Variants in HDGFL3 observed in about 807,000 individuals in gnomAD.
HDGFL3 encodes the protein HDGF like 3.
HDGFL3 carries 6 observed loss-of-function variants against 27.6 expected under a neutral mutation model. The observed-to-expected ratio is 0.22, with a 90% CI of 0.12 to 0.43. The LOEUF (loss-of-function observed/expected upper bound fraction) is 0.43. HDGFL3 is among the 20% of genes least tolerant of loss of function. The pLI, the probability that HDGFL3 is intolerant of heterozygous loss-of-function variation, is 1.00. For synonymous variants in HDGFL3, 88 were observed against 88.9 expected, an observed-to-expected ratio of 0.99 and a Z score of 0.05; for missense variants, 207 against 250.1, an observed-to-expected ratio of 0.83 and a Z score of 1.16.
Position 83,207,059 on chromosome 15 carries a change from T to C in HDGFL3, c.84+272A>G, listed in dbSNP as rs549475753. ...GTGGCTTCCCGGTCGGCACCGGCTT[T>C]CCAGGAGGAAGGCAGCGTCGGGCCT... On this transcript the variant is annotated intron_variant, in intron 1 of 5. Coordinates refer to ENST00000299633, the MANE Select transcript of HDGFL3 (RefSeq NM_016073.4). This position sits in a 1 kb window ranked among gnomAD's most constrained non-coding sequence, Gnocchi z 4.8. 7.6e-4 allele frequency among the ~76,000 whole-genome samples: 116 copies of C among 152,272 alleles called. No homozygotes were observed. The highest frequency in any genetic ancestry group is 6.8e-3 in the Middle Eastern group (2 of 292).
In HDGFL3 at chr15:83,157,554, G is replaced by C. The variant is rs1304753878; in HGVS notation, c.320C>G (p.Ser107Cys). 6.2e-7 allele frequency: 1 copy of C among 1,613,284 alleles called. No individual in the cohort carries two copies. The highest frequency in any genetic ancestry group is 1.1e-5 in the South Asian group (1 of 90,834). Residue 107 changes from serine to cysteine, a missense_variant, in exon 4 of 6, where the codon TCT (serine) becomes TGT (cysteine). Transcript: ENST00000299633. ...TGYQAIQQQSSSETEGEGGNT... is the reference protein window; with the variant it reads ...TGYQAIQQQSCSETEGEGGNT... Reference sequence around the variant, plus strand: ...TCCACCTTCTCCCTCAGTTTCTGAAGAGCTCTGTTGCTGAATTGCCTAAGA... The same window carrying C: ...TCCACCTTCTCCCTCAGTTTCTGAACAGCTCTGTTGCTGAATTGCCTAAGA...
chr15:83,173,710 C>T (rs1285389972), intron 1 of HDGFL3, among the ~76,000 whole-genome samples: 1 of 152,170 alleles, frequency 6.6e-6, no homozygotes, highest in Non-Finnish European at 1.5e-5. Context: ...ACTCCCAAAT[C>T]TCTACCTCTA....
chr15:83,177,686 AGT>A (rs372507413), intron 1 of HDGFL3, among the ~76,000 whole-genome samples: 2 of 151,658 alleles, frequency 1.3e-5, no homozygotes, highest in Non-Finnish European at 2.9e-5. Flanking sequence ...TTGGTCACTG[AGT>A]GTGTGTGTGT....
At chr15:83,160,635 G>A (rs774178386) in intron 2 of HDGFL3, among the ~76,000 whole-genome samples, 1 of 152,174 alleles carries the variant, frequency 6.6e-6, no homozygotes, top group Non-Finnish European at 1.5e-5. Context: ...GAGATGTCAG[G>A]TAGCTGGAGA....
chr15:83,196,061 C>CA lies in HDGFL3; in HGVS notation c.84+11269dup, dbSNP rs35997853. 9.4e-4 allele frequency among the ~76,000 whole-genome samples: 142 copies of CA among 150,540 alleles called. 1 individual carries two copies. The highest frequency in any genetic ancestry group is 3.0e-4 in the Non-Finnish European group (20 of 67,512). On this transcript the variant is annotated intron_variant, in intron 1 of 5. Transcript: ENST00000299633. ...CCCTGACATTTATTAAATAAACGGT[C>CA]AAAAAAAGGGACAGATATGTAGAAA...
Position 83,157,505 on chromosome 15 carries a change from C to A in HDGFL3, c.369G>T (p.Glu123Asp), listed in dbSNP as rs961091056. 6.2e-6 allele frequency: 10 copies of A among 1,613,490 alleles called. No individual in the cohort carries two copies. In the Admixed American group the frequency reaches 1.2e-4, roughly 19 times the overall value. The change falls in exon 4 of 6, where the codon GAG becomes GAT. Residue 123 changes from glutamate (E) to aspartate (D), a missense_variant. By Grantham distance (45) the Glu-to-Asp change is conservative. Transcript: ENST00000299633. ...EGGNTADASS[E>D]EEGDRVEEDG... The stretch of plus-strand genomic sequence containing the variant: ...CTTCTTCTACTCTATCACCTTCTTC[C>A]TCACTGCTTGCATCTGCAGTATTTC...
At chr15:83,167,151 T>G (rs1314232706) in intron 1 of HDGFL3, among the ~76,000 whole-genome samples, 1 of 152,118 alleles carries the variant, frequency 6.6e-6, no homozygotes, top group African/African-American at 2.4e-5. Flanking sequence ...ACGACACCCA[T>G]AAGCTCGAAC....
chr15:83,203,130 T>C (rs1393429936), intron 1 of HDGFL3, among the ~76,000 whole-genome samples: 1 of 152,116 alleles, frequency 6.6e-6, no homozygotes, highest in East Asian at 1.9e-4. Flanking sequence ...ATATAAAGTT[T>C]TTAAGTGTAA....
chr15:83,198,892 T>C (rs987092789), intron 1 of HDGFL3, among the ~76,000 whole-genome samples: 7 of 152,172 alleles, frequency 4.6e-5, no homozygotes, highest in Non-Finnish European at 8.8e-5. Context: ...GGGGATAAAA[T>C]TTCAACATGA....
intron 1 of HDGFL3, among the ~76,000 whole-genome samples, chr15:83,176,680 A>C (rs560707032): frequency 6.6e-6 from 1 of 152,298 alleles, no homozygotes; most frequent in Admixed American, 6.5e-5. Context: ...CAGTGTTTTT[A>C]GGAGCCTCCA....
At chr15:83,190,416 ACTT>A (rs2037497675) in intron 1 of HDGFL3, among the ~76,000 whole-genome samples, 5 of 152,136 alleles carry the variant, frequency 3.3e-5, no homozygotes, top group Non-Finnish European at 5.9e-5. Flanking sequence ...ACCAGTATAT[ACTT>A]CTTCAGTATT....
chr15:83,151,453 T>C, intron 4 of HDGFL3, 92 bp from the exon 5 acceptor site: 1 of 1,081,458 alleles, frequency 9.2e-7, no homozygotes, highest in Non-Finnish European at 1.3e-6. Context: ...TGCATCTATC[T>C]AGTTTTAGTG....
At chr15:83,141,930 A>T (rs2036779451) in intron 5 of HDGFL3, among the ~76,000 whole-genome samples, 1 of 152,244 alleles carries the variant, frequency 6.6e-6, no homozygotes, top group Admixed American at 6.5e-5. Flanking sequence ...AAAGCTCAGT[A>T]TCGCTGATCA....
Position 83,158,050 on chromosome 15 carries a change from A to G in HDGFL3, c.162-9T>C. The G allele has an allele frequency of 6.3e-7, 1 of 1,589,542 alleles. No individual in the cohort carries two copies. The highest frequency in any genetic ancestry group is 1.1e-5 in the South Asian group (1 of 88,022). On this transcript the variant is annotated splice_polypyrimidine_tract_variant and intron_variant, in intron 2 of 5. Coordinates refer to ENST00000299633, the MANE Select transcript of HDGFL3 (RefSeq NM_016073.4). The stretch of plus-strand genomic sequence containing the variant: ...TGGGACCTAGAAATGCACTGCAGAG[A>G]CATATTAGAAATAGAATTGACACAC...
At chr15:83,170,155 A>G (rs577934354) in intron 1 of HDGFL3, among the ~76,000 whole-genome samples, 29 of 152,328 alleles carry the variant, frequency 1.9e-4, no homozygotes, top group Non-Finnish European at 3.7e-4. Flanking sequence ...CCAAAGCACT[A>G]AAGATTCAAT....
intron 1 of HDGFL3, among the ~76,000 whole-genome samples, chr15:83,170,561 A>C (rs1377255563): frequency 1.3e-5 from 2 of 152,218 alleles, no homozygotes; most frequent in African/African-American, 4.8e-5. Flanking sequence ...CACATAAGAA[A>C]ACCTAACTCA....
intron 1 of HDGFL3, among the ~76,000 whole-genome samples, chr15:83,190,043 A>G (rs1475911025): frequency 6.6e-6 from 1 of 152,080 alleles, no homozygotes; most frequent in East Asian, 1.9e-4. Flanking sequence ...TCATCTCTAC[A>G]AAACAAAACA....
rs1293595319 is a variant in HDGFL3 at position 83,134,645 on chromosome 15, T to G, written c.*4625A>C. 6.6e-6 allele frequency: 1 copy of G among 152,226 alleles called. No homozygotes were observed. The highest frequency in any genetic ancestry group is 1.5e-5 in the Non-Finnish European group (1 of 68,060). 9.4% of individuals were successfully genotyped at this position (152,226 alleles called of 1,614,324 possible). On this transcript the variant is annotated 3_prime_UTR_variant, in exon 6 of 6. Transcript: ENST00000299633. The stretch of plus-strand genomic sequence containing the variant: ...TTTTACACAGGCTCCCCTATGCAAG[T>G]AGGCACAACTGCTCATATTTATTCT...
At chr15:83,126,900 A>C, downstream of HDGFL3, 1 of 1,472,248 alleles carries the variant, frequency 6.8e-7, no homozygotes, top group Non-Finnish European at 9.4e-7. Flanking sequence ...TCTTTTTAAA[A>C]AATGGGTCCC....
Sources: allele counts gnomAD v4.1 joint callset (sites outside exome capture counted in the v4.1 genomes callset), GRCh38; gene constraint gnomAD v4.1.1; non-coding constraint Gnocchi (gnomAD v3.1); transcripts MANE v1.5; gene names NCBI Gene and HGNC (gene_info 2026-07-23, HGNC 2026-07-21).